Variants in SLC7A1 observed in about 807,000 individuals in gnomAD.
SLC7A1 encodes the protein solute carrier family 7 member 1.
In SLC7A1, 10 loss-of-function variants were observed where a neutral mutation model predicts 53.9. The ratio of observed to expected loss-of-function variants is 0.19; its 90% CI spans 0.11 to 0.31. SLC7A1 has a LOEUF of 0.31. Ranked by LOEUF, SLC7A1 falls within the 10% of genes least tolerant of loss-of-function variation. SLC7A1 has a pLI of 1.00. For missense variants in SLC7A1, 525 were observed against 827.2 expected, an observed-to-expected ratio of 0.63 and a Z score of 4.48; for synonymous variants, 342 against 338.7, an observed-to-expected ratio of 1.01 and a Z score of -0.11.
At chr13:29,581,681 C>T (rs1485304412) in intron 1 of SLC7A1, among the ~76,000 whole-genome samples, 2 of 152,236 alleles carry the variant, frequency 1.3e-5, no homozygotes, top group African/African-American at 4.8e-5. Flanking sequence ...CTAGCTCTGG[C>T]AGCGCCATGC....
intron 1 of SLC7A1, among the ~76,000 whole-genome samples, chr13:29,562,353 A>T (rs565807344): frequency 1.3e-5 from 2 of 152,232 alleles, no homozygotes; most frequent in Non-Finnish European, 2.9e-5. Flanking sequence ...TTTAAAGTGT[A>T]TACACAGGTT....
At chr13:29,523,545 C>T in intron 6 of SLC7A1, 57 bp from the exon 7 acceptor site, 1 of 1,304,832 alleles carries the variant, frequency 7.7e-7, no homozygotes. Flanking sequence ...GTGTATCTGC[C>T]CACATGACAC....
chr13:29,586,457 C>T (rs280918), intron 1 of SLC7A1, among the ~76,000 whole-genome samples: 3,511 of 152,208 alleles, frequency 0.023, 130 homozygotes, highest in African/African-American at 0.079. Flanking sequence ...TCTCATTAAG[C>T]TAACACGGAA....
At chr13:29,528,460 C>T (rs79452878) in intron 5 of SLC7A1, among the ~76,000 whole-genome samples, 1,607 of 152,252 alleles carry the variant, frequency 0.011, 29 homozygotes, top group African/African-American at 0.037. Context: ...TAGGAGACAG[C>T]ATCCTAAAAT....
In SLC7A1 at chr13:29,514,304, C is replaced by T. The variant is rs142396312; in HGVS notation, c.*176G>A. On this transcript the variant is annotated 3_prime_UTR_variant, in exon 13 of 13. Transcript: ENST00000380752. ...TGGAGGTGACCAGGGCCCGGAGAAC[C>T]GGCTGCAGAGCCGAGGGTGGGCTGG... is the stretch of plus-strand genomic sequence containing the variant. The T allele has an allele frequency of 1.4e-4, 81 of 597,728 alleles. No homozygotes were observed. The highest frequency in any genetic ancestry group is 2.0e-4 in the African/African-American group (11 of 54,022). 37.0% of individuals were successfully genotyped at this position (597,728 alleles called of 1,614,324 possible).
chr13:29,589,724 C>T (rs990428020), intron 1 of SLC7A1, among the ~76,000 whole-genome samples: 3 of 152,210 alleles, frequency 2.0e-5, no homozygotes, highest in Admixed American at 6.5e-5. Flanking sequence ...CTGTCTGCCT[C>T]CCACTCAGTG....
At chr13:29,543,291 A>G (rs964265928) in intron 2 of SLC7A1, among the ~76,000 whole-genome samples, 1 of 152,240 alleles carries the variant, frequency 6.6e-6, no homozygotes, top group African/African-American at 2.4e-5. Flanking sequence ...GCACTTCCAT[A>G]TATCGAGCTG....
intron 9 of SLC7A1, among the ~76,000 whole-genome samples, chr13:29,518,792 G>A (rs2139071699): frequency 6.6e-6 from 1 of 152,256 alleles, no homozygotes; most frequent in East Asian, 1.9e-4. Flanking sequence ...GTCTCCATGA[G>A]CACAGGTTCT....
At chr13:29,520,552 G>C (rs1209827372) in intron 8 of SLC7A1, among the ~76,000 whole-genome samples, 1 of 152,210 alleles carries the variant, frequency 6.6e-6, no homozygotes, top group African/African-American at 2.4e-5. Flanking sequence ...CATCTTTTGT[G>C]AGCGTTGTGA....
intron 1 of SLC7A1, among the ~76,000 whole-genome samples, chr13:29,572,371 C>A (rs1481483662): frequency 6.6e-6 from 1 of 152,188 alleles, no homozygotes; most frequent in Non-Finnish European, 1.5e-5. Context: ...CCTAAAGGGG[C>A]AGGTGCCAGT....
chr13:29,548,544 T>C (rs889878797), intron 2 of SLC7A1, among the ~76,000 whole-genome samples: 13 of 152,204 alleles, frequency 8.5e-5, no homozygotes, highest in African/African-American at 2.9e-4. Flanking sequence ...AGCAAAAGTT[T>C]TAAGCAAAGG....
In SLC7A1 at chr13:29,563,192, G is replaced by A. The variant is rs148731651; in HGVS notation, c.-114-9332C>T. ...ATGTCTGGAGACATTTTAGGTTGTC[G>A]CAATTGAAGGATGGTGGTCAACTAG... On this transcript the variant is annotated intron_variant, in intron 1 of 12. Transcript: ENST00000380752. Among the ~76,000 whole-genome samples the A allele has an allele frequency of 3.5e-3, 526 of 152,272 alleles. 6 individuals carry two copies. Among genetic ancestry groups the A allele is most frequent in the African/African-American group, 0.012 (501 of 41,552 alleles).
At chr13:29,594,352 C>A (rs1872220693) in intron 1 of SLC7A1, among the ~76,000 whole-genome samples, 1 of 152,222 alleles carries the variant, frequency 6.6e-6, no homozygotes, top group South Asian at 2.1e-4. Context: ...CACATGAGGG[C>A]ATGGCGGTGA....
In SLC7A1 at chr13:29,546,174, G is replaced by A. The variant is rs553517901; in HGVS notation, c.-15+7587C>T. ...CTCTCCACTGCCTCGCAAGTGCAGC[G>A]TCAGTGAGCCAGAACCAACCAGGGA... On this transcript the variant is annotated intron_variant, in intron 2 of 12. Coordinates refer to ENST00000380752, the MANE Select transcript of SLC7A1 (RefSeq NM_003045.5). Among the ~76,000 whole-genome samples, 5 of 152,292 alleles carry A rather than the reference G, an allele frequency of 3.3e-5. No homozygotes were observed. The East Asian group carries it at 5.8e-4, about 18-fold the overall frequency.
At chr13:29,560,008 C>A (rs1306101375) in intron 1 of SLC7A1, among the ~76,000 whole-genome samples, 2 of 151,744 alleles carry the variant, frequency 1.3e-5, no homozygotes, top group African/African-American at 4.9e-5. Context: ...AGCCATTGCA[C>A]CCGGACCTTT....
rs1566254090 is a variant in SLC7A1 at position 29,522,310 on chromosome 13, T to C, written c.1189+7A>G. The C allele has an allele frequency of 1.2e-6, 2 of 1,614,046 alleles. No homozygotes were observed. The highest frequency in any genetic ancestry group is 1.7e-6 in the Non-Finnish European group (2 of 1,179,874). On this transcript the variant is annotated splice_region_variant and intron_variant, in intron 8 of 12. Coordinates refer to ENST00000380752, the MANE Select transcript of SLC7A1 (RefSeq NM_003045.5). ...CATTTCCATGTGAAATGAGTTCTAG[T>C]ACTCACCAGCAACGGCACCCGAGGC...
intron 2 of SLC7A1, among the ~76,000 whole-genome samples, chr13:29,538,573 A>G (rs1869528467): frequency 6.6e-6 from 1 of 152,190 alleles, no homozygotes; most frequent in Non-Finnish European, 1.5e-5. Context: ...AGGAGCAGGA[A>G]CCAAGGACCT....
At chr13:29,566,978 C>T (rs1156968059) in intron 1 of SLC7A1, among the ~76,000 whole-genome samples, 2 of 152,198 alleles carry the variant, frequency 1.3e-5, no homozygotes, top group African/African-American at 4.8e-5. Context: ...ATCATGGCTC[C>T]AGTTGCCGTT....
intron 1 of SLC7A1, among the ~76,000 whole-genome samples, chr13:29,566,039 G>A (rs1870955022): frequency 6.6e-6 from 1 of 152,186 alleles, no homozygotes; most frequent in Admixed American, 6.5e-5. Context: ...CTAAGAGATG[G>A]TGTGGACTGT....
Sources: gnomAD v4.1 joint callset for allele counts (sites outside exome capture counted in the v4.1 genomes callset) on GRCh38, gnomAD v4.1.1 for gene constraint, MANE v1.5 for transcripts, NCBI Gene and HGNC (gene_info 2026-07-23, HGNC 2026-07-21) for gene names.